Variants in DNAH10 observed in about 807,000 individuals in gnomAD.
DNAH10 encodes dynein axonemal heavy chain 10, also known as axonemal beta dynein heavy chain 10.
Under a neutral mutation model 506.6 loss-of-function variants are expected in DNAH10, and 348 were observed. The ratio of observed to expected loss-of-function variants is 0.69; its 90% CI spans 0.63 to 0.75. The LOEUF (loss-of-function observed/expected upper bound fraction) is 0.75. Ranked by LOEUF, DNAH10 falls within the 30% of genes least tolerant of loss-of-function variation. The pLI, the probability that DNAH10 is intolerant of heterozygous loss-of-function variation, is 0.00. For missense variants in DNAH10, 5,179 were observed against 5,787.1 expected (o/e 0.89, Z 3.41); for synonymous variants, 2,059 against 2,198.6 (o/e 0.94, Z 1.78).
intron 27 of DNAH10, among the ~76,000 whole-genome samples, chr12:123,834,653 A>G (rs191652362): frequency 4.6e-4 from 70 of 152,352 alleles, no homozygotes; most frequent in South Asian, 6.2e-4. Context: ...AAGACAAGCC[A>G]GTACCCCTTA....
At chr12:123,888,262 G>C (rs1183896236) in intron 52 of DNAH10, among the ~76,000 whole-genome samples, 1 of 152,124 alleles carries the variant, frequency 6.6e-6, no homozygotes, top group African/African-American at 2.4e-5. Context: ...AATAGGGAAG[G>C]TACCATTAAC....
chr12:123,778,383 G>T (rs1222088774), intron 5 of DNAH10, among the ~76,000 whole-genome samples: 1 of 152,128 alleles, frequency 6.6e-6, no homozygotes, highest in Non-Finnish European at 1.5e-5. Flanking sequence ...AATTGCAGTG[G>T]GTTGAAGCAT....
chr12:123,918,759 G>T lies in DNAH10; in HGVS notation c.11316G>T (p.Arg3772Ser). The T allele has an allele frequency of 1.2e-6, 2 of 1,608,988 alleles. No homozygotes were observed. The highest frequency in any genetic ancestry group is 1.7e-6 in the Non-Finnish European group (2 of 1,176,126). The change falls in exon 65 of 79, where the codon AGG becomes AGT. Residue 3772 changes from arginine (R) to serine (S), a missense_variant. Physicochemically the swap from Arg to Ser is moderately radical, Grantham distance 110. Coordinates refer to ENST00000673944, the MANE Select transcript of DNAH10 (RefSeq NM_001372106.1). ...LRDGYRPAAR[R>S]GAILFFVLSE... Reference sequence around the variant, plus strand: ...ATGGCTACCGGCCAGCAGCCAGGAGGGGGGCCATCCTGTTCTTCGTCCTGT... The same window carrying T: ...ATGGCTACCGGCCAGCAGCCAGGAGTGGGGCCATCCTGTTCTTCGTCCTGT...
At chr12:123,793,100 C>T (rs1029044393) in intron 11 of DNAH10, among the ~76,000 whole-genome samples, 2 of 152,058 alleles carry the variant, frequency 1.3e-5, no homozygotes, top group African/African-American at 4.8e-5. Flanking sequence ...TAGAACTAAC[C>T]TTCCACTCTT....
intron 3 of DNAH10, among the ~76,000 whole-genome samples, chr12:123,772,289 C>T (rs1957282098): frequency 6.6e-6 from 1 of 152,208 alleles, no homozygotes; most frequent in South Asian, 2.1e-4. Flanking sequence ...TAGCATACAC[C>T]TTCAGGCATG....
At chr12:123,899,407 C>A (rs1252524839) in intron 56 of DNAH10, among the ~76,000 whole-genome samples, 2 of 152,134 alleles carry the variant, frequency 1.3e-5, no homozygotes, top group Non-Finnish European at 2.9e-5. Context: ...CCAGCTTGTT[C>A]CCAGATTCCT....
In DNAH10 at chr12:123,813,517, A is replaced by G; in HGVS notation, c.3498A>G (p.Arg1166=). 1 of 1,614,222 alleles carries G rather than the reference A, an allele frequency of 6.2e-7. No homozygotes were observed. Among genetic ancestry groups the G allele is most frequent in the Non-Finnish European group, 8.5e-7 (1 of 1,180,036 alleles). The change falls in exon 20 of 79, where the codon AGA becomes AGG. Residue 1166 remains arginine, a synonymous_variant. Transcript: ENST00000673944. ...TAATTAAGGATGAGCATTGCATCAGACTTCAGCTCAGGCATCTGGCAAACA... is the reference window on the plus strand; with the variant it reads ...TAATTAAGGATGAGCATTGCATCAGGCTTCAGCTCAGGCATCTGGCAAACA... ...HPLIKDEHCI[R]LQLRHLANTV...
At chr12:123,923,016 A>T (rs1467632489) in intron 65 of DNAH10, 1 of 152,222 alleles carries the variant, frequency 6.6e-6, no homozygotes, top group Non-Finnish European at 1.5e-5. Context: ...CCCTCCTAAC[A>T]CATATAAAGT....
At position 123,870,443 on chromosome 12, in the gene DNAH10, G is replaced by GGAGTAA; in HGVS notation, c.7597_7598insGAGTAA (p.Glu2533delinsGlyValLys). On this transcript the variant is annotated protein_altering_variant, in exon 44 of 79. Transcript: ENST00000673944. The stretch of plus-strand genomic sequence containing the variant: ...GGTCCCATGGAGTAAATTAGTTCCA[G>GGAGTAA]AGTATATTCATGCCCCCGAGAGGAA... The GGAGTAA allele has an allele frequency of 6.2e-7, 1 of 1,613,786 alleles. No individual in the cohort carries two copies. The highest frequency in any genetic ancestry group is 8.5e-7 in the Non-Finnish European group (1 of 1,179,878).
Position 123,917,845 on chromosome 12 carries a change from A to G in DNAH10, c.11232+32A>G. On this transcript the variant is annotated intron_variant, in intron 64 of 78. Transcript: ENST00000673944. The surrounding 1 kb of genome is among the most constrained non-coding windows in gnomAD (Gnocchi z 5.6). ...ACCACAGTGGAAGAGGCCGTGAGTCAGGCGGGGCCTGCATGCGCCGTTGGA... is the reference window on the plus strand; with the variant it reads ...ACCACAGTGGAAGAGGCCGTGAGTCGGGCGGGGCCTGCATGCGCCGTTGGA... 1 of 1,549,654 alleles carries G rather than the reference A, an allele frequency of 6.5e-7. No homozygotes were observed. The highest frequency in any genetic ancestry group is 8.7e-7 in the Non-Finnish European group (1 of 1,145,042).
chr12:123,789,899 C>G (rs1958014527), intron 10 of DNAH10, 28 bp from the exon 11 acceptor site: 3 of 1,589,116 alleles, frequency 1.9e-6, no homozygotes, highest in Non-Finnish European at 2.6e-6. Flanking sequence ...CAAATGTAAT[C>G]TCCTCATTGT....
rs1055629832 is a variant in DNAH10, at chr12:123,877,721, C to G, written c.8200-15C>G. The G allele has an allele frequency of 1.1e-5, 18 of 1,604,718 alleles. No homozygotes were observed. In the South Asian group the frequency reaches 1.8e-4, roughly 16 times the overall value. On this transcript the variant is annotated splice_polypyrimidine_tract_variant and intron_variant, in intron 47 of 78. Coordinates refer to ENST00000673944, the MANE Select transcript of DNAH10 (RefSeq NM_001372106.1). ...GACATTTGTGTGTTGGGGGGGGTGTCTTTGCATTTTTCAGACGTTTCATGA... is the reference window on the plus strand; with the variant it reads ...GACATTTGTGTGTTGGGGGGGGTGTGTTTGCATTTTTCAGACGTTTCATGA...
At chr12:123,935,138 T>C (rs1955432548) in intron 78 of DNAH10, among the ~76,000 whole-genome samples, 197 bp from the exon 79 acceptor site, 1 of 152,206 alleles carries the variant, frequency 6.6e-6, no homozygotes. Flanking sequence ...GGACCCACTT[T>C]TAACCAGGGT....
At position 123,930,467 on chromosome 12, in the gene DNAH10, G is replaced by A. The variant is rs1330131770; in HGVS notation, c.12678G>A (p.Glu4226=). 6.2e-7 allele frequency: 1 copy of A among 1,610,186 alleles called. No homozygotes were observed. Residue 4226 remains glutamate, a synonymous_variant, in exon 73 of 79, where the codon GAG becomes GAA. Transcript: ENST00000673944. ...GCATCCTGACCATCTACATGGATGA[G>A]TACCTGGGGGACTTCATTTTTGATA... ...DRRILTIYMD[E]YLGDFIFDTF...
intron 47 of DNAH10, 27 bp from the exon 48 acceptor site, chr12:123,877,709 T>TA: frequency 6.5e-7 from 1 of 1,531,792 alleles, no homozygotes; most frequent in Non-Finnish European, 8.9e-7. Flanking sequence ...ATTTGTGTGT[T>TA]GGGGGGGGTG....
intron 24 of DNAH10, among the ~76,000 whole-genome samples, chr12:123,821,726 G>A (rs1379388193): frequency 6.6e-6 from 1 of 152,128 alleles, no homozygotes; most frequent in Non-Finnish European, 1.5e-5. Context: ...GAGGTCAAGG[G>A]CTTGGTTAAG....
intron 66 of DNAH10, 161 bp from the exon 67 acceptor site, chr12:123,924,117 T>TGGTG (rs1954839630): frequency 1.0e-6 from 1 of 959,334 alleles, no homozygotes; most frequent in African/African-American, 1.7e-5. Context: ...AGCGCCTGGT[T>TGGTG]GGTGTCACTG....
intron 56 of DNAH10, among the ~76,000 whole-genome samples, chr12:123,899,064 G>A (rs80242015): frequency 0.048 from 7,291 of 152,216 alleles, 575 homozygotes; most frequent in African/African-American, 0.17. Context: ...AGGCCCCTGC[G>A]CTGGTAGCCT....
chr12:123,890,457 C>CT (rs201416327), intron 52 of DNAH10, among the ~76,000 whole-genome samples: 6,632 of 147,546 alleles, frequency 0.045, 183 homozygotes, highest in Non-Finnish European at 0.068. Context: ...AAAAAACACA[C>CT]TTTTTTTTTT....
Sources: allele counts gnomAD v4.1 joint callset (sites outside exome capture counted in the v4.1 genomes callset), GRCh38; gene constraint gnomAD v4.1.1; non-coding constraint Gnocchi (gnomAD v3.1); transcripts MANE v1.5; gene names NCBI Gene and HGNC (gene_info 2026-07-23, HGNC 2026-07-21).